SPATA13: variants seen among roughly 807,000 people sequenced by gnomAD.
SPATA13 encodes the protein spermatogenesis associated 13.
A neutral mutation model predicts 104.0 loss-of-function variants in SPATA13; 50 were observed. The ratio of observed to expected loss-of-function variants is 0.48; its 90% CI spans 0.38 to 0.61. The LOEUF is 0.61. Among genes scored for constraint, SPATA13 ranks in the 20% least tolerant of loss-of-function variants. SPATA13 has a pLI of 0.00. For synonymous variants in SPATA13, 606 were observed against 667.5 expected, an observed-to-expected ratio of 0.91 and a Z score of 1.42; for missense variants, 1,524 against 1,690.6, an observed-to-expected ratio of 0.90 and a Z score of 1.73.
At chr13:24,141,276 T>G (rs1228821125) in intron 3 of SPATA13, among the ~76,000 whole-genome samples, 1 of 151,698 alleles carries the variant, frequency 6.6e-6, no homozygotes, top group Non-Finnish European at 1.5e-5. Context: ...GGACCAGGAG[T>G]TCCAGACCAG....
intron 3 of SPATA13, among the ~76,000 whole-genome samples, chr13:24,028,810 T>C (rs942759008): frequency 2.6e-5 from 4 of 152,202 alleles, no homozygotes; most frequent in Non-Finnish European, 4.4e-5. Context: ...GCTTTGAGTT[T>C]TTCATTTCAA....
intron 4 of SPATA13, among the ~76,000 whole-genome samples, chr13:24,276,711 A>C (rs1201866985): frequency 1.3e-5 from 2 of 152,128 alleles, no homozygotes; most frequent in African/African-American, 4.8e-5. Flanking sequence ...TTTTGGTGAC[A>C]TACATTTTGA....
At chr13:24,121,975 G>A in intron 3 of SPATA13, 1 of 860,996 alleles carries the variant, frequency 1.2e-6, no homozygotes, top group South Asian at 1.4e-5. Flanking sequence ...CATTAGTTTA[G>A]AGTAGATAAC....
chr13:24,160,634 G>A, upstream of SPATA13: 1 of 824,162 alleles, frequency 1.2e-6, no homozygotes, highest in South Asian at 5.5e-5. Flanking sequence ...TGAGCTAACC[G>A]GGGGCGTGGC....
chr13:24,251,913 C>G, intron 4 of SPATA13, 51 bp downstream of exon 4: 1 of 1,566,380 alleles, frequency 6.4e-7, no homozygotes, highest in African/African-American at 1.4e-5. Flanking sequence ...CCCATCTGAC[C>G]GTTTCCAGCT....
rs371788710 is a variant in SPATA13 at position 24,286,887 on chromosome 13, C to A, written c.2604C>A (p.Asn868Lys). The change falls in exon 7 of 13, where the codon AAC (asparagine) becomes AAA (lysine). Residue 868 changes from asparagine to lysine, a missense_variant. This residue lies in a region of SPATA13 where 435 missense variants were observed against 554.8 expected (regional missense o/e 0.78). Coordinates refer to ENST00000382108, the MANE Select transcript of SPATA13 (RefSeq NM_001166271.3). The surrounding 1 kb of genome is among the most constrained non-coding windows in gnomAD (Gnocchi z 4.9). The stretch of plus-strand genomic sequence containing the variant: ...AGAACAAGCAGCAGATGCGGACCAA[C>A]GTCATCCGGGAGATCATGGACACCG... ...HCENKQQMRT[N>K]VIREIMDTER... The A allele has an allele frequency of 3.1e-6, 5 of 1,613,902 alleles. No homozygotes were observed. Among genetic ancestry groups the A allele is most frequent in the Non-Finnish European group, 4.2e-6 (5 of 1,180,024 alleles).
rs555681580 is a variant in SPATA13 at position 24,124,723 on chromosome 13, T to C, written c.-111-98096T>C. On this transcript the variant is annotated intron_variant, in intron 3 of 14. Coordinates refer to the SPATA13 transcript ENST00000424834. ...TGTCTGTTGTAATGAACAGGAGTTA[T>C]AATTACTCCAAGGTTTGTTCTTTTT... 2.6e-5 allele frequency among the ~76,000 whole-genome samples: 4 copies of C among 152,356 alleles called. No individual in the cohort carries two copies. The South Asian group carries it at 6.2e-4, about 24-fold the overall frequency.
At position 24,248,883 on chromosome 13, in the gene SPATA13, C is replaced by T. The variant is rs200421129; in HGVS notation, c.1654-594C>T. Reference sequence around the variant, plus strand: ...ACTAATTCACGATGGTGCTGATTTTCTTTTTTTTTTTTTTGAGAAAGAGCC... The same window carrying T: ...ACTAATTCACGATGGTGCTGATTTTTTTTTTTTTTTTTTTGAGAAAGAGCC... On this transcript the variant is annotated intron_variant, in intron 2 of 12. Coordinates refer to ENST00000382108, the MANE Select transcript of SPATA13 (RefSeq NM_001166271.3). Among the ~76,000 whole-genome samples the T allele has an allele frequency of 3.3e-4, 47 of 144,126 alleles. 1 individual carries two copies. In the South Asian group the frequency reaches 6.2e-3, roughly 19 times the overall value. The allele number at this position is 144,126 out of a possible 152,430, so 94.6% of individuals were successfully genotyped here.
At chr13:24,249,348 T>G (rs1873342603) in intron 2 of SPATA13, 129 bp from the exon 3 acceptor site, 1 of 1,172,626 alleles carries the variant, frequency 8.5e-7, no homozygotes, top group East Asian at 2.6e-5. Flanking sequence ...CACAAATAAC[T>G]GTTTTAATAA....
chr13:24,070,448 C>T (rs917755947), intron 3 of SPATA13, among the ~76,000 whole-genome samples: 3 of 152,218 alleles, frequency 2.0e-5, no homozygotes, highest in East Asian at 1.9e-4. Flanking sequence ...ATGTACTTGG[C>T]GTCTCTGGTG....
chr13:24,231,851 C>G (rs1444391740), intron 2 of SPATA13, among the ~76,000 whole-genome samples: 1 of 152,190 alleles, frequency 6.6e-6, no homozygotes, highest in Non-Finnish European at 1.5e-5. Flanking sequence ...TCCCTAATGA[C>G]TAATGATGTT....
At chr13:24,092,856 G>A (rs927070861) in intron 3 of SPATA13, among the ~76,000 whole-genome samples, 20 of 152,178 alleles carry the variant, frequency 1.3e-4, no homozygotes, top group African/African-American at 4.6e-4. Flanking sequence ...TTACTGAAAA[G>A]GCTGGTAACA....
rs1176178150 is a variant in SPATA13, at chr13:24,137,002, T to C, written c.-111-85817T>C. ...CCGCCACTACGCCCGGCTAATTTTT[T>C]TGTATTTTTAGTAGAGACGGGGTTT... On this transcript the variant is annotated intron_variant, in intron 3 of 14. Transcript: ENST00000424834. Among the ~76,000 whole-genome samples, 3 of 101,812 alleles carry C rather than the reference T, an allele frequency of 2.9e-5. 1 individual carries two copies. Among genetic ancestry groups the C allele is most frequent in the African/African-American group, 1.0e-4 (3 of 29,044 alleles). 66.8% of individuals were successfully genotyped at this position (101,812 alleles called of 152,430 possible). A position where few individuals can be genotyped will look rare whatever the true frequency, so the allele number is the denominator to read the frequency against.
At chr13:24,208,171 C>G (rs938655643) in intron 1 of SPATA13, among the ~76,000 whole-genome samples, 1 of 152,122 alleles carries the variant, frequency 6.6e-6, no homozygotes, top group Non-Finnish European at 1.5e-5. Context: ...TCAGGTGAGG[C>G]TCAGAGTTAT....
chr13:24,188,620 G>A lies in SPATA13; in HGVS notation c.-112+27688G>A, dbSNP rs9553210. Among the ~76,000 whole-genome samples, 169 of 152,328 alleles carry A rather than the reference G, an allele frequency of 1.1e-3. 1 individual carries two copies. The East Asian group carries it at 0.031, about 28-fold the overall frequency. On this transcript the variant is annotated intron_variant, in intron 1 of 12. Coordinates refer to ENST00000382108, the MANE Select transcript of SPATA13 (RefSeq NM_001166271.3). ...GCCATCTCTGTAACATAAGTGCAGGGTGAAGCAGCAAGTGCTGATGTAGAA... is the reference window on the plus strand; with the variant it reads ...GCCATCTCTGTAACATAAGTGCAGGATGAAGCAGCAAGTGCTGATGTAGAA...
chr13:24,249,945 T>C, intron 3 of SPATA13, 103 bp downstream of exon 3: 1 of 1,458,962 alleles, frequency 6.9e-7, no homozygotes, highest in Non-Finnish European at 9.2e-7. Context: ...TCTCCCGTTC[T>C]CAAGGGCGGC....
intron 3 of SPATA13, among the ~76,000 whole-genome samples, chr13:24,028,416 T>G (rs1049346769): frequency 6.6e-6 from 1 of 152,226 alleles, no homozygotes; most frequent in Non-Finnish European, 1.5e-5. Context: ...CTGGGTTGGT[T>G]GTTAGTTTCT....
chr13:23,987,001 C>A (rs1355583262), intron 2 of SPATA13, among the ~76,000 whole-genome samples: 1 of 141,424 alleles, frequency 7.1e-6, no homozygotes, highest in African/African-American at 2.7e-5. Flanking sequence ...ATGGATATAT[C>A]TGTGTGTGTG....
intron 1 of SPATA13, among the ~76,000 whole-genome samples, chr13:24,197,583 G>T (rs577336682): frequency 3.5e-4 from 54 of 152,220 alleles, no homozygotes; most frequent in African/African-American, 1.1e-3. Flanking sequence ...GAAATAATTT[G>T]CATCTCTAAT....
Sources: gnomAD v4.1 joint callset for allele counts (sites outside exome capture counted in the v4.1 genomes callset) on GRCh38, gnomAD v4.1.1 for gene constraint, gnomAD v4.1.1 regional missense constraint, Gnocchi (gnomAD v3.1) non-coding constraint, MANE v1.5 for transcripts, NCBI Gene and HGNC (gene_info 2026-07-23, HGNC 2026-07-21) for gene names.